RMDN2: variants seen among roughly 807,000 people sequenced by gnomAD.
The protein encoded by RMDN2 is regulator of microtubule dynamics 2.
A neutral mutation model predicts 52.8 loss-of-function variants in RMDN2; 61 were observed. The observed-to-expected ratio is 1.16, with a 90% CI of 0.94 to 1.43. RMDN2 has a LOEUF of 1.43. Ranked by LOEUF, RMDN2 falls within the 40% of genes most tolerant of loss-of-function variation. RMDN2 has a pLI of 0.00. For synonymous variants in RMDN2, 180 were observed against 153.1 expected (o/e 1.18, Z -1.30); for missense variants, 592 against 475.3 (o/e 1.25, Z -2.28).
At chr2:37,957,137 A>G (rs1258990604) in intron 2 of RMDN2, among the ~76,000 whole-genome samples, 1 of 152,168 alleles carries the variant, frequency 6.6e-6, no homozygotes, top group Non-Finnish European at 1.5e-5. Context: ...TTATTTTTAT[A>G]GTAGAATGAT....
At chr2:37,999,002 T>C (rs1313627942) in intron 8 of RMDN2, among the ~76,000 whole-genome samples, 1 of 152,184 alleles carries the variant, frequency 6.6e-6, no homozygotes, top group Non-Finnish European at 1.5e-5. Flanking sequence ...AATATTTATA[T>C]AAAAGATGCC....
At chr2:38,006,731 C>T (rs988806775) in intron 10 of RMDN2, among the ~76,000 whole-genome samples, 1 of 152,190 alleles carries the variant, frequency 6.6e-6, no homozygotes, top group Non-Finnish European at 1.5e-5. Flanking sequence ...GCCAGTACTT[C>T]CAATACTATG....
chr2:37,974,319 G>A lies in RMDN2; in HGVS notation c.627+105G>A, dbSNP rs1308305926. The A allele has an allele frequency of 8.9e-6, 6 of 677,418 alleles. No individual in the cohort carries two copies. The East Asian group carries it at 2.0e-4, about 23-fold the overall frequency. 42.0% of individuals were successfully genotyped at this position (677,418 alleles called of 1,614,324 possible). ...AATTGTGTCATGGTTCCCACATTTT[G>A]ATGATTGATGTAAAATTTCTCTATA... is the stretch of plus-strand genomic sequence containing the variant. On this transcript the variant is annotated intron_variant, in intron 3 of 10. Transcript: ENST00000354545.
intron 10 of RMDN2, among the ~76,000 whole-genome samples, chr2:38,033,585 C>T (rs1228789177): frequency 6.6e-6 from 1 of 152,232 alleles, no homozygotes; most frequent in Non-Finnish European, 1.5e-5. Context: ...GAATTGTTAT[C>T]TACTCCATGT....
At chr2:38,066,920 C>A in intron 10 of RMDN2, 3 of 1,570,404 alleles carry the variant, frequency 1.9e-6, no homozygotes, top group Non-Finnish European at 1.8e-6. Context: ...GAGGTTCCCA[C>A]GCCAAAGTTT....
At chr2:37,994,724 T>C (rs1205221098) in intron 7 of RMDN2, among the ~76,000 whole-genome samples, 1 of 152,198 alleles carries the variant, frequency 6.6e-6, no homozygotes, top group Non-Finnish European at 1.5e-5. Flanking sequence ...TATAGAGCAA[T>C]TGAAACTCAT....
At chr2:38,001,736 T>C (rs991248666) in intron 8 of RMDN2, among the ~76,000 whole-genome samples, 2 of 152,190 alleles carry the variant, frequency 1.3e-5, no homozygotes, top group Non-Finnish European at 2.9e-5. Flanking sequence ...TAAGTCCCTC[T>C]TATTAGAATG....
chr2:38,018,762 G>C (rs1679108756), downstream of RMDN2, among the ~76,000 whole-genome samples: 1 of 151,928 alleles, frequency 6.6e-6, no homozygotes, highest in South Asian at 2.1e-4. Flanking sequence ...GATTTTTTTA[G>C]GTTGAACTTA....
At chr2:38,038,284 G>A (rs1680728934) in intron 10 of RMDN2, among the ~76,000 whole-genome samples, 1 of 152,174 alleles carries the variant, frequency 6.6e-6, no homozygotes, top group South Asian at 2.1e-4. Context: ...GCGTTCAAGC[G>A]AGGGCGGACG....
intron 10 of RMDN2, chr2:38,029,655 T>G: frequency 6.9e-6 from 1 of 144,666 alleles, no homozygotes. Context: ...CCCTCAGATA[T>G]GATGTGACAA....
intron 2 of RMDN2, among the ~76,000 whole-genome samples, chr2:37,938,546 C>G (rs950066848): frequency 5.9e-5 from 9 of 152,140 alleles, no homozygotes; most frequent in Admixed American, 2.0e-4. Flanking sequence ...GGTTGGTAGG[C>G]TATTAAGTAC....
At chr2:37,969,429 T>G (rs1408239572) in intron 2 of RMDN2, among the ~76,000 whole-genome samples, 1 of 151,734 alleles carries the variant, frequency 6.6e-6, no homozygotes, top group African/African-American at 2.4e-5. Context: ...ATTTTAAAAC[T>G]TTTGTGAAAT....
chr2:37,990,128 GT>G (rs1558518383), intron 6 of RMDN2, among the ~76,000 whole-genome samples: 2 of 131,444 alleles, frequency 1.5e-5, no homozygotes, highest in African/African-American at 6.1e-5. Flanking sequence ...GGGTGACAGA[GT>G]GAGACTCCGT....
At position 37,983,475 on chromosome 2, in the gene RMDN2, C is replaced by T. The variant is rs145092715; in HGVS notation, c.791+2132C>T. Among the ~76,000 whole-genome samples, 188 of 152,236 alleles carry T rather than the reference C, an allele frequency of 1.2e-3. 3 individuals are homozygous for T. Among genetic ancestry groups the T allele is most frequent in the African/African-American group, 4.3e-3 (177 of 41,528 alleles). ...CCCAGTATTAAATCTTATCAAAACACAGAGTAGTGATTCAATTGTGTTTCA... is the reference window on the plus strand; with the variant it reads ...CCCAGTATTAAATCTTATCAAAACATAGAGTAGTGATTCAATTGTGTTTCA... On this transcript the variant is annotated intron_variant, in intron 5 of 10. Transcript: ENST00000354545.
intron 10 of RMDN2, among the ~76,000 whole-genome samples, chr2:38,042,114 C>T (rs1360344603): frequency 6.6e-6 from 1 of 152,102 alleles, no homozygotes; most frequent in East Asian, 1.9e-4. Flanking sequence ...TTATTTATTG[C>T]ATTTCTCTAG....
chr2:38,020,309 C>T (rs538589367), downstream of RMDN2, among the ~76,000 whole-genome samples: 2 of 152,038 alleles, frequency 1.3e-5, no homozygotes, highest in South Asian at 4.2e-4. Context: ...TGACGGGAGA[C>T]CGTGACAGAC....
At chr2:37,941,437 C>T (rs1273858054) in intron 2 of RMDN2, among the ~76,000 whole-genome samples, 1 of 152,252 alleles carries the variant, frequency 6.6e-6, no homozygotes, top group African/African-American at 2.4e-5. Context: ...GGGAGATCTG[C>T]TGCTCTCTTC....
At chr2:37,981,745 A>G (rs769245274) in intron 5 of RMDN2, among the ~76,000 whole-genome samples, 1 of 152,210 alleles carries the variant, frequency 6.6e-6, no homozygotes, top group Non-Finnish European at 1.5e-5. Context: ...TCCACAGATC[A>G]AGGAAAAGCC....
intron 2 of RMDN2, chr2:37,951,232 G>T: frequency 6.4e-7 from 1 of 1,571,478 alleles, no homozygotes; most frequent in Non-Finnish European, 8.6e-7. Context: ...CTCACTCTTA[G>T]CTGCTGCAAA....
Sources: allele counts gnomAD v4.1 joint callset (sites outside exome capture counted in the v4.1 genomes callset), GRCh38; gene constraint gnomAD v4.1.1; transcripts MANE v1.5; gene names NCBI Gene and HGNC (gene_info 2026-07-23, HGNC 2026-07-21).